Variants in APC observed in about 807,000 individuals in gnomAD.
APC encodes APC regulator of Wnt signaling pathway.
Under a neutral mutation model 247.0 loss-of-function variants are expected in APC, and 72 were observed. That is an observed-to-expected ratio of 0.29 (90% CI 0.24 to 0.35). The LOEUF is 0.35. APC is among the 10% of genes least tolerant of loss of function. The pLI is 1.00. For missense variants in APC, 3,400 were observed against 3,360.7 expected, an observed-to-expected ratio of 1.01 and a Z score of -0.29; for synonymous variants, 1,254 against 1,162.5, an observed-to-expected ratio of 1.08 and a Z score of -1.60.
intron 1 of APC, among the ~76,000 whole-genome samples, chr5:112,740,991 C>A (rs913421284): frequency 1.3e-5 from 2 of 152,020 alleles, no homozygotes; most frequent in Non-Finnish European, 2.9e-5. Flanking sequence ...CTCCCTTCTC[C>A]CCCTTTTCTT....
At chr5:112,755,712 T>A (rs1283455151) in intron 2 of APC, among the ~76,000 whole-genome samples, 1 of 152,226 alleles carries the variant, frequency 6.6e-6, no homozygotes, top group Non-Finnish European at 1.5e-5. Context: ...ATGTTCTGGT[T>A]TCAAAATAAT....
rs1554086026 is a variant in APC, at chr5:112,840,219, C to G, written c.4625C>G (p.Pro1542Arg). ...GGGAATGAAACAGAATCAGAGCAGC[C>G]TAAAGAATCAAATGAAAACCAAGAG... ...DNGNETESEQPKESNENQEKE... is the reference protein window; with the variant it reads ...DNGNETESEQRKESNENQEKE... Residue 1542 changes from proline (P) to arginine (R), a missense_variant, in exon 16 of 16, where the codon CCT becomes CGT. This residue lies in a region of APC where 1,788 missense variants were observed against 1,649.5 expected (regional missense o/e 1.08). Coordinates refer to ENST00000257430, the MANE Select transcript of APC (RefSeq NM_000038.6). The surrounding 1 kb of genome is among the most constrained non-coding windows in gnomAD (Gnocchi z 4.1). 6.2e-7 allele frequency: 1 copy of G among 1,613,972 alleles called. No individual in the cohort carries two copies. The highest frequency in any genetic ancestry group is 8.5e-7 in the Non-Finnish European group (1 of 1,179,980).
chr5:112,737,119 C>G (rs1292768050), upstream of APC, among the ~76,000 whole-genome samples: 1 of 152,164 alleles, frequency 6.6e-6, no homozygotes, highest in African/African-American at 2.4e-5. Context: ...CATTAAAATA[C>G]TACATTAAAG....
chr5:112,742,878 C>T (rs555890542), intron 1 of APC, among the ~76,000 whole-genome samples: 5 of 152,212 alleles, frequency 3.3e-5, no homozygotes, highest in Non-Finnish European at 5.9e-5. Flanking sequence ...GAAACAGTTT[C>T]ACTGGATTTA....
chr5:112,841,730 G>C lies in APC; in HGVS notation c.6136G>C (p.Ala2046Pro), dbSNP rs770406711. The change falls in exon 16 of 16, where the codon GCA becomes CCA. Residue 2046 changes from alanine to proline, a missense_variant. By Grantham distance (27) the Ala-to-Pro change is conservative (BLOSUM62 -1). Coordinates refer to ENST00000257430, the MANE Select transcript of APC (RefSeq NM_000038.6). This position sits in a 1 kb window ranked among gnomAD's most constrained non-coding sequence, Gnocchi z 4.6. ...CCTGTTGCAGGAATGTATAAGCTCCGCAATGCCAAAAAAGAAAAAGCCTTC... is the reference window on the plus strand; with the variant it reads ...CCTGTTGCAGGAATGTATAAGCTCCCCAATGCCAAAAAAGAAAAAGCCTTC... ...DDLLQECISSAMPKKKKPSRL... is the reference protein window; with the variant it reads ...DDLLQECISSPMPKKKKPSRL... 6.2e-7 allele frequency: 1 copy of C among 1,613,542 alleles called. No homozygotes were observed. The highest frequency in any genetic ancestry group is 1.3e-5 in the African/African-American group (1 of 74,866).
chr5:112,739,096 A>G (rs889339678), intron 1 of APC, among the ~76,000 whole-genome samples: 6 of 152,256 alleles, frequency 3.9e-5, no homozygotes, highest in Admixed American at 6.5e-5. Flanking sequence ...TTGCTTTTAG[A>G]TAACACTGAA....
In APC at chr5:112,710,946, G is replaced by A. The variant is rs114972863; in HGVS notation, c.165+3064G>A. 2.6e-5 allele frequency among the ~76,000 whole-genome samples: 4 copies of A among 152,324 alleles called. No homozygotes were observed. The East Asian group carries it at 7.7e-4, about 29-fold the overall frequency. On this transcript the variant is annotated intron_variant, in intron 1 of 13. Transcript: ENST00000507379. Reference sequence around the variant, plus strand: ...CTAAATGCTTCTGTGCTTTGCACTCGTACTGCCTTTACCATTTCACCACTG... The same window carrying A: ...CTAAATGCTTCTGTGCTTTGCACTCATACTGCCTTTACCATTTCACCACTG...
chr5:112,750,165 GT>G (rs1445286301), intron 1 of APC, among the ~76,000 whole-genome samples: 1 of 151,846 alleles, frequency 6.6e-6, no homozygotes, highest in Non-Finnish European at 1.5e-5. Flanking sequence ...GTTTCACCAT[GT>G]TGGCCAGACT....
intron 7 of APC, 40 bp from the exon 8 acceptor site, chr5:112,801,239 A>G: frequency 6.4e-7 from 1 of 1,553,144 alleles, no homozygotes; most frequent in Non-Finnish European, 8.9e-7. Context: ...GAAAGCCTAC[A>G]CCATTTTTGC....
intron 5 of APC, among the ~76,000 whole-genome samples, chr5:112,776,873 AT>A (rs1757719764): frequency 6.6e-6 from 1 of 152,000 alleles, no homozygotes. Flanking sequence ...AAAAAAAAAA[AT>A]AAATGACTCA....
rs1337548978 is a variant in APC, at chr5:112,707,613, G to C, written c.-105G>C. The C allele has an allele frequency of 8.1e-7, 1 of 1,238,914 alleles. No homozygotes were observed. Among genetic ancestry groups the C allele is most frequent in the African/African-American group, 1.5e-5 (1 of 66,850 alleles). The allele number at this position is 1,238,914 out of a possible 1,614,324, so 76.7% of individuals were successfully genotyped here. A position where few individuals can be genotyped will look rare whatever the true frequency, so the allele number is the denominator to read the frequency against. On this transcript the variant is annotated 5_prime_UTR_variant, in exon 1 of 14. Transcript: ENST00000507379. The stretch of plus-strand genomic sequence containing the variant: ...GGGGGACCTGCGGGCTCAGGCCCGG[G>C]AGCTGCGGACCGAGGTTGGCTCGAT...
rs2149865532 is a variant in APC, at chr5:112,837,883, A to AT, written c.2291dup (p.Leu764PhefsTer11). On this transcript the variant is annotated frameshift_variant, in exon 16 of 16. Transcript: ENST00000257430. LOFTEE classifies it high-confidence loss of function. ...GGAAACAAAAAGCCCTAGAAGCAGA[A>AT]TTAGATGCTCAGCACTTATCAGAAA... 1 of 1,614,142 alleles carries AT rather than the reference A, an allele frequency of 6.2e-7. No homozygotes were observed. Among genetic ancestry groups the AT allele is most frequent in the Non-Finnish European group, 8.5e-7 (1 of 1,180,030 alleles).
At position 112,808,048 on chromosome 5, in the gene APC, G is replaced by T. The variant is rs144321132; in HGVS notation, c.834+6665G>T. 4.0e-3 allele frequency among the ~76,000 whole-genome samples: 615 copies of T among 152,180 alleles called. 5 individuals are homozygous for T. The highest frequency in any genetic ancestry group is 0.014 in the African/African-American group (582 of 41,534). On this transcript the variant is annotated intron_variant, in intron 8 of 15. Transcript: ENST00000257430. ...CGCACACGTGTAGTCCCAGCTACTCGGGAAGCTGAGGCAGGAGAATCACTT... is the reference window on the plus strand; with the variant it reads ...CGCACACGTGTAGTCCCAGCTACTCTGGAAGCTGAGGCAGGAGAATCACTT...
Position 112,828,902 on chromosome 5 carries a change from A to G in APC, c.1673A>G (p.Asn558Ser), listed in dbSNP as rs1381359478. The change falls in exon 14 of 16, where the codon AAT (asparagine) becomes AGT (serine). Residue 558 changes from asparagine (N) to serine (S), a missense_variant. Physicochemically the swap from Asn to Ser is conservative, Grantham distance 46. Transcript: ENST00000257430. The part of the protein sequence containing the change: ...LRNLSWRADV[N>S]SKKTLREVGS... ...AATTTGTCTTGGCGAGCAGATGTAAATAGTAAAAAGACGTTGCGAGAAGTT... is the reference window on the plus strand; with the variant it reads ...AATTTGTCTTGGCGAGCAGATGTAAGTAGTAAAAAGACGTTGCGAGAAGTT... 2 of 1,613,994 alleles carry G rather than the reference A, an allele frequency of 1.2e-6. No homozygotes were observed. Among genetic ancestry groups the G allele is most frequent in the East Asian group, 2.2e-5 (1 of 44,854 alleles).
intron 8 of APC, among the ~76,000 whole-genome samples, chr5:112,808,902 G>A (rs760152529): frequency 3.3e-5 from 5 of 152,170 alleles, no homozygotes; most frequent in Non-Finnish European, 7.3e-5. Context: ...AGGAGAAGTC[G>A]AGAATTACTC....
intron 5 of APC, chr5:112,778,589 C>T (rs1757961218): frequency 6.6e-6 from 1 of 151,112 alleles, no homozygotes. Context: ...CTCTGTCGCC[C>T]AGGCTGGAAT....
chr5:112,824,458 T>C (rs1384789667), intron 11 of APC, among the ~76,000 whole-genome samples: 1 of 152,208 alleles, frequency 6.6e-6, no homozygotes, highest in Non-Finnish European at 1.5e-5. Flanking sequence ...TTGAATGTTC[T>C]TTTTTTATTA....
intron 5 of APC, 54 bp downstream of exon 5, chr5:112,775,791 A>G (rs1160754160): frequency 1.0e-6 from 1 of 979,536 alleles, no homozygotes; most frequent in Non-Finnish European, 1.6e-6. Flanking sequence ...TGATATTTTA[A>G]AGTACCTAGG....
intron 2 of APC, among the ~76,000 whole-genome samples, chr5:112,758,657 G>A (rs1199394755): frequency 6.6e-5 from 10 of 151,464 alleles, no homozygotes; most frequent in East Asian, 1.9e-4. Context: ...ATGGAGTTTC[G>A]TTCTTGTCGC....
Sources: gnomAD v4.1 joint callset for allele counts (sites outside exome capture counted in the v4.1 genomes callset) on GRCh38, gnomAD v4.1.1 for gene constraint, gnomAD v4.1.1 regional missense constraint, Gnocchi (gnomAD v3.1) non-coding constraint, MANE v1.5 for transcripts, NCBI Gene and HGNC (gene_info 2026-07-23, HGNC 2026-07-21) for gene names.